DROSHA: variants seen among roughly 807,000 people sequenced by gnomAD.
DROSHA encodes ribonuclease 3.
DROSHA carries 56 observed loss-of-function variants against 181.9 expected under a neutral mutation model. The ratio of observed to expected loss-of-function variants is 0.31; its 90% CI spans 0.25 to 0.38. The LOEUF is 0.38. DROSHA is among the 10% of genes least tolerant of loss of function. The pLI is 1.00. For synonymous variants in DROSHA, 524 were observed against 591.2 expected (o/e 0.89, Z 1.65); for missense variants, 1,218 against 1,743.5 (o/e 0.70, Z 5.37).
chr5:31,485,033 C>T, intron 14 of DROSHA, 71 bp from the exon 15 acceptor site: 1 of 1,079,232 alleles, frequency 9.3e-7, no homozygotes, highest in Non-Finnish European at 1.4e-6. Context: ...TCAACTTGTT[C>T]TTGTCAAGTG....
At chr5:31,528,650 A>C (rs1205652310) in intron 4 of DROSHA, among the ~76,000 whole-genome samples, 1 of 152,186 alleles carries the variant, frequency 6.6e-6, no homozygotes, top group African/African-American at 2.4e-5. Context: ...TTATAATAAT[A>C]TCCTTGCTGG....
chr5:31,426,798 C>T (rs1479035348), intron 27 of DROSHA, among the ~76,000 whole-genome samples: 1 of 152,044 alleles, frequency 6.6e-6, no homozygotes, highest in Admixed American at 6.6e-5. Context: ...AGGCCCTAAC[C>T]AAATCTGCAT....
At chr5:31,440,831 A>G (rs1348463700) in intron 23 of DROSHA, among the ~76,000 whole-genome samples, 1 of 152,130 alleles carries the variant, frequency 6.6e-6, no homozygotes, top group Non-Finnish European at 1.5e-5. Flanking sequence ...GTCTAAACCC[A>G]TCTGGTTTTC....
At chr5:31,461,409 G>A (rs941225900) in intron 20 of DROSHA, among the ~76,000 whole-genome samples, 1 of 152,168 alleles carries the variant, frequency 6.6e-6, no homozygotes. Flanking sequence ...GTACCCAGAA[G>A]TTCTCTACTT....
chr5:31,404,065 A>G (rs978650596), intron 35 of DROSHA, among the ~76,000 whole-genome samples: 3 of 150,498 alleles, frequency 2.0e-5, no homozygotes, highest in African/African-American at 7.4e-5. Context: ...CTATAAGTGC[A>G]TGCCACCAAG....
chr5:31,405,363 G>A (rs1463182126), intron 35 of DROSHA, among the ~76,000 whole-genome samples: 22 of 144,212 alleles, frequency 1.5e-4, no homozygotes, highest in African/African-American at 4.7e-4. Flanking sequence ...CAACAACAGC[G>A]AAACTCCATC....
chr5:31,443,571 G>A (rs1745911144), intron 23 of DROSHA, among the ~76,000 whole-genome samples: 1 of 152,088 alleles, frequency 6.6e-6, no homozygotes, highest in African/African-American at 2.4e-5. Context: ...AGATTTAGGT[G>A]GTTAAACAGT....
Position 31,495,359 on chromosome 5 carries a change from C to A in DROSHA, c.1682G>T (p.Cys561Phe). Reference sequence around the variant, plus strand: ...GCCAGCATTGTTGGTCATAGGACGACAGGGCTTGATGGCCTGAGGGGAAAA... The same window carrying A: ...GCCAGCATTGTTGGTCATAGGACGAAAGGGCTTGATGGCCTGAGGGGAAAA... ...IYPGEEAIKP[C>F]RPMTNNAGRL... The change falls in exon 12 of 36, where the codon TGT becomes TTT. Residue 561 changes from cysteine (C) to phenylalanine (F), a missense_variant. Physicochemically the swap from Cys to Phe is radical, Grantham distance 205. This residue lies in a region of DROSHA where 460 missense variants were observed against 774.2 expected (regional missense o/e 0.59). Coordinates refer to ENST00000344624, the MANE Select transcript of DROSHA (RefSeq NM_001382508.1). The A allele has an allele frequency of 6.2e-7, 1 of 1,613,746 alleles. No homozygotes were observed. The highest frequency in any genetic ancestry group is 8.5e-7 in the Non-Finnish European group (1 of 1,179,776).
At chr5:31,458,936 C>T (rs1210337063) in intron 20 of DROSHA, among the ~76,000 whole-genome samples, 1 of 152,052 alleles carries the variant, frequency 6.6e-6, no homozygotes, top group East Asian at 1.9e-4. Flanking sequence ...CTCTACAGGA[C>T]ACATAATCCA....
intron 5 of DROSHA, among the ~76,000 whole-genome samples, chr5:31,522,835 T>G (rs931020423): frequency 6.6e-6 from 1 of 152,244 alleles, no homozygotes; most frequent in African/African-American, 2.4e-5. Context: ...CTGTAGCAAT[T>G]TCTTTCCTTA....
intron 23 of DROSHA, 103 bp from the exon 24 acceptor site, chr5:31,437,401 T>C (rs1745001581): frequency 3.0e-6 from 3 of 999,698 alleles, no homozygotes; most frequent in Non-Finnish European, 4.3e-6. Context: ...GCTCCTTTAG[T>C]AATCAAACCA....
At chr5:31,476,594 C>G (rs1398135853) in intron 16 of DROSHA, among the ~76,000 whole-genome samples, 1 of 152,130 alleles carries the variant, frequency 6.6e-6, no homozygotes, top group African/African-American at 2.4e-5. Flanking sequence ...GGCAACTAAA[C>G]CTTAAAGAGA....
chr5:31,466,242 G>A lies in DROSHA; in HGVS notation c.2406C>T (p.His802=), dbSNP rs1199480277. ...KLWKSYVKLR[H]LLANSPKVKQ... ...TGACTTTGGGACTATTTGCTAGGAG[G>A]TGGCGAAGTTTCACATAACTCTTCC... Residue 802 remains histidine (H), a synonymous_variant, in exon 19 of 36, where the codon CAC becomes CAT. Coordinates refer to ENST00000344624, the MANE Select transcript of DROSHA (RefSeq NM_001382508.1). 1 of 1,613,682 alleles carries A rather than the reference G, an allele frequency of 6.2e-7. No individual in the cohort carries two copies.
At chr5:31,423,864 T>C (rs1743099150) in intron 28 of DROSHA, among the ~76,000 whole-genome samples, 1 of 152,072 alleles carries the variant, frequency 6.6e-6, no homozygotes, top group African/African-American at 2.4e-5. Flanking sequence ...TCTGGGGAAA[T>C]AGGTGCCACC....
intron 11 of DROSHA, among the ~76,000 whole-genome samples, chr5:31,496,864 C>A (rs1188333241): frequency 6.6e-6 from 1 of 152,278 alleles, no homozygotes; most frequent in Non-Finnish European, 1.5e-5. Context: ...TGAGTCCCTG[C>A]ATCAGGTCTT....
intron 5 of DROSHA, among the ~76,000 whole-genome samples, chr5:31,523,083 C>A (rs573311540): frequency 6.6e-6 from 1 of 152,282 alleles, no homozygotes; most frequent in South Asian, 2.1e-4. Context: ...TAACACAATG[C>A]AAATTTATGA....
At chr5:31,529,999 T>C (rs1320656144) in intron 3 of DROSHA, among the ~76,000 whole-genome samples, 3 of 152,260 alleles carry the variant, frequency 2.0e-5, no homozygotes, top group Admixed American at 6.5e-5. Flanking sequence ...AAACATTTTC[T>C]GAAAGTCTTT....
rs1208324697 is a variant in DROSHA, at chr5:31,526,821, T to G, written c.112A>C (p.Asn38His). The G allele has an allele frequency of 6.2e-7, 1 of 1,613,000 alleles. No homozygotes were observed. The highest frequency in any genetic ancestry group is 8.5e-7 in the Non-Finnish European group (1 of 1,179,688). ...TGCTGAGGGTGAAGCAGCCTCAGATTTTGGGGCCTAAAGGATGGTGCTGAG... is the reference window on the plus strand; with the variant it reads ...TGCTGAGGGTGAAGCAGCCTCAGATGTTGGGGCCTAAAGGATGGTGCTGAG... ...RPSAPSFRPQ[N>H]LRLLHPQQPP... The change falls in exon 5 of 36, where the codon AAT becomes CAT. Residue 38 changes from asparagine (N) to histidine (H), a missense_variant. This residue lies in a region of DROSHA where 536 missense variants were observed against 535.4 expected (regional missense o/e 1.00). Coordinates refer to ENST00000344624, the MANE Select transcript of DROSHA (RefSeq NM_001382508.1).
intron 15 of DROSHA, 105 bp from the exon 16 acceptor site, chr5:31,483,733 AC>A: frequency 8.9e-7 from 1 of 1,129,510 alleles, no homozygotes; most frequent in Non-Finnish European, 1.3e-6. Context: ...AAAAACTACC[AC>A]CAGAAGTAGA....
Sources: allele counts gnomAD v4.1 joint callset (sites outside exome capture counted in the v4.1 genomes callset), GRCh38; gene constraint gnomAD v4.1.1; regional missense constraint gnomAD v4.1.1; transcripts MANE v1.5; gene names NCBI Gene and HGNC (gene_info 2026-07-23, HGNC 2026-07-21).